The following PLD5 variants were observed in gnomAD, a reference collection of about 807,000 sequenced individuals.
PLD5 encodes the protein inactive phospholipase D5.
A neutral mutation model predicts 61.1 loss-of-function variants in PLD5; 36 were observed. That is an observed-to-expected ratio of 0.59 (90% CI 0.45 to 0.78). PLD5 has a LOEUF of 0.78. Ranked by LOEUF, PLD5 falls within the 30% of genes least tolerant of loss-of-function variation. The pLI, the probability that PLD5 is intolerant of heterozygous loss-of-function variation, is 0.00. For missense variants in PLD5, 515 were observed against 644.4 expected (o/e 0.80, Z 2.17); for synonymous variants, 243 against 242.8 (o/e 1.00, Z -0.01).
At chr1:242,377,194 A>C in intron 1 of PLD5, 1 of 1,611,600 alleles carries the variant, frequency 6.2e-7, no homozygotes, top group South Asian at 1.1e-5. Flanking sequence ...TGAGACGTGT[A>C]GCAGAGGCCA....
chr1:242,348,039 T>C, intron 2 of PLD5, 67 bp downstream of exon 2: 1 of 1,565,304 alleles, frequency 6.4e-7, no homozygotes, highest in Middle Eastern at 1.7e-4. Context: ...TCTTCTCCAT[T>C]GTTCAAGGCC....
intron 5 of PLD5, among the ~76,000 whole-genome samples, chr1:242,167,091 TAA>T (rs1374413658): frequency 1.4e-5 from 2 of 142,356 alleles, no homozygotes; most frequent in East Asian, 4.6e-4. Context: ...ATAATAATAA[TAA>T]TAATAATAAT....
chr1:242,233,003 A>G (rs1413325773), intron 4 of PLD5, among the ~76,000 whole-genome samples: 1 of 152,078 alleles, frequency 6.6e-6, no homozygotes, highest in African/African-American at 2.4e-5. Context: ...AAAAATAAAA[A>G]ATTAGCCAGG....
At chr1:242,171,272 A>G (rs1666729409) in intron 5 of PLD5, among the ~76,000 whole-genome samples, 1 of 152,208 alleles carries the variant, frequency 6.6e-6, no homozygotes, top group African/African-American at 2.4e-5. Context: ...AGAATTTCAT[A>G]TCCAGCCAAA....
intron 2 of PLD5, among the ~76,000 whole-genome samples, chr1:242,303,179 A>G (rs1374431314): frequency 1.3e-5 from 2 of 152,200 alleles, no homozygotes; most frequent in Non-Finnish European, 2.9e-5. Context: ...AGTTGATAGA[A>G]AAGTTATAGC....
At chr1:242,436,057 T>C (rs1188274087) in intron 1 of PLD5, among the ~76,000 whole-genome samples, 1 of 152,168 alleles carries the variant, frequency 6.6e-6, no homozygotes, top group Admixed American at 6.5e-5. Flanking sequence ...ATCAGAAAAG[T>C]ATTCTTGTGT....
chr1:242,310,296 T>C (rs1049781310), intron 2 of PLD5, among the ~76,000 whole-genome samples: 4 of 152,170 alleles, frequency 2.6e-5, no homozygotes, highest in Non-Finnish European at 5.9e-5. Flanking sequence ...ACAGACCGCC[T>C]GTGACTCCTA....
intron 5 of PLD5, among the ~76,000 whole-genome samples, chr1:242,188,320 T>G (rs1398299109): frequency 6.6e-6 from 1 of 152,034 alleles, no homozygotes; most frequent in African/African-American, 2.4e-5. Context: ...AGGGAGAAAT[T>G]GCAGCCATGT....
chr1:242,201,296 C>T (rs1479010942), intron 5 of PLD5, among the ~76,000 whole-genome samples: 1 of 152,140 alleles, frequency 6.6e-6, no homozygotes, highest in Admixed American at 6.5e-5. Context: ...CAACACTTGA[C>T]ATATGCAGAA....
At chr1:242,393,982 C>G (rs987868282) in intron 1 of PLD5, among the ~76,000 whole-genome samples, 1 of 141,874 alleles carries the variant, frequency 7.0e-6, no homozygotes, top group African/African-American at 2.6e-5. Flanking sequence ...ATCACTTGAA[C>G]CCGGAAGGCG....
chr1:242,098,999 G>C (rs1350057965), intron 9 of PLD5, among the ~76,000 whole-genome samples: 1 of 152,202 alleles, frequency 6.6e-6, no homozygotes, highest in Non-Finnish European at 1.5e-5. Context: ...TAGGCTACTT[G>C]GGGGTCAGGG....
intron 4 of PLD5, among the ~76,000 whole-genome samples, chr1:242,220,898 G>A (rs971523569): frequency 2.0e-5 from 3 of 151,788 alleles, no homozygotes; most frequent in Non-Finnish European, 4.4e-5. Context: ...CACTATGCCC[G>A]GCTAATTTTT....
intron 1 of PLD5, among the ~76,000 whole-genome samples, chr1:242,467,715 G>GTTAC (rs1328873922): frequency 6.6e-6 from 1 of 152,182 alleles, no homozygotes; most frequent in African/African-American, 2.4e-5. Flanking sequence ...AATCATTGAA[G>GTTAC]TTACCATGAG....
chr1:242,151,365 G>C (rs538771357), intron 5 of PLD5, among the ~76,000 whole-genome samples: 1 of 151,906 alleles, frequency 6.6e-6, no homozygotes, highest in South Asian at 2.1e-4. Context: ...TTTTCTTAGA[G>C]AAAATTTTTG....
chr1:242,394,766 G>A (rs1183125886), intron 1 of PLD5, among the ~76,000 whole-genome samples: 1 of 42,400 alleles, frequency 2.4e-5, no homozygotes, highest in Non-Finnish European at 5.7e-5. Flanking sequence ...GTGTATATAT[G>A]TGAATATATA....
intron 1 of PLD5, 96 bp from the exon 2 acceptor site, chr1:242,348,338 G>A: frequency 7.4e-7 from 1 of 1,347,974 alleles, no homozygotes; most frequent in South Asian, 1.5e-5. Context: ...ATGAAAAATG[G>A]GTGGGGATAC....
intron 4 of PLD5, among the ~76,000 whole-genome samples, chr1:242,252,586 T>C (rs527577798): frequency 6.6e-6 from 1 of 152,236 alleles, no homozygotes; most frequent in Admixed American, 6.5e-5. Context: ...CTTCAGAACA[T>C]ACACGTGGAT....
At chr1:242,389,293 TTGTGACTCA>T (rs1384959012) in intron 1 of PLD5, among the ~76,000 whole-genome samples, 2 of 152,132 alleles carry the variant, frequency 1.3e-5, no homozygotes, top group African/African-American at 4.8e-5. Flanking sequence ...ACATGTTACC[TTGTGACTCA>T]TTTTCTAACT....
At chr1:242,369,273 G>C (rs946913562) in intron 1 of PLD5, among the ~76,000 whole-genome samples, 1 of 152,186 alleles carries the variant, frequency 6.6e-6, no homozygotes, top group Non-Finnish European at 1.5e-5. Flanking sequence ...TGGGGAAATA[G>C]GCATTGGGTT....
Sources: allele counts gnomAD v4.1 joint callset (sites outside exome capture counted in the v4.1 genomes callset), GRCh38; gene constraint gnomAD v4.1.1; transcripts MANE v1.5; gene names NCBI Gene and HGNC (gene_info 2026-07-23, HGNC 2026-07-21).